Variants in GBE1 observed in about 807,000 individuals in gnomAD.
GBE1 encodes the protein 1,4-alpha-glucan branching enzyme 1.
In GBE1, 70 loss-of-function variants were observed where a neutral mutation model predicts 88.8. The ratio of observed to expected loss-of-function variants is 0.79; its 90% CI spans 0.65 to 0.96. The LOEUF is 0.96. GBE1 is among the 40% of genes least tolerant of loss of function. The probability of loss-of-function intolerance (pLI) is 0.00; values close to 1 mark genes in which losing one functional copy is unlikely to be tolerated. For missense variants in GBE1, 872 were observed against 871.0 expected (o/e 1.00, Z -0.01); for synonymous variants, 284 against 300.1 (o/e 0.95, Z 0.56).
At chr3:81,617,015 A>G (rs1335776251) in intron 7 of GBE1, among the ~76,000 whole-genome samples, 1 of 151,806 alleles carries the variant, frequency 6.6e-6, no homozygotes, top group African/African-American at 2.4e-5. Context: ...TAAATAGTAT[A>G]TTTTTTAATT....
chr3:81,732,371 T>G (rs1482520248), intron 1 of GBE1, among the ~76,000 whole-genome samples: 1 of 152,198 alleles, frequency 6.6e-6, no homozygotes, highest in African/African-American at 2.4e-5. Flanking sequence ...CAAATAAGTG[T>G]GGTCTTTGTC....
At chr3:81,714,479 A>T (rs1313347755) in intron 1 of GBE1, among the ~76,000 whole-genome samples, 1 of 152,242 alleles carries the variant, frequency 6.6e-6, no homozygotes, top group Admixed American at 6.5e-5. Context: ...TAATTAATGT[A>T]TTCAATAAGA....
intron 2 of GBE1, among the ~76,000 whole-genome samples, chr3:81,679,676 G>T (rs939209000): frequency 3.9e-5 from 6 of 152,134 alleles, no homozygotes; most frequent in African/African-American, 1.4e-4. Context: ...GACTATAATT[G>T]TAACTCTGAT....
intron 2 of GBE1, among the ~76,000 whole-genome samples, chr3:81,693,361 G>A (rs142777337): frequency 6.6e-6 from 1 of 151,816 alleles, no homozygotes; most frequent in Non-Finnish European, 1.5e-5. Context: ...GGAAAGTATT[G>A]GTAATTACTT....
chr3:81,664,831 C>T (rs1705088426), intron 3 of GBE1, among the ~76,000 whole-genome samples: 4 of 152,076 alleles, frequency 2.6e-5, no homozygotes, highest in Admixed American at 2.6e-4. Context: ...AAGTCAATGA[C>T]ATAGAATTGG....
intron 1 of GBE1, among the ~76,000 whole-genome samples, chr3:81,731,963 A>C (rs533553307): frequency 6.6e-6 from 1 of 152,284 alleles, no homozygotes; most frequent in East Asian, 1.9e-4. Context: ...TCCCAAAAAA[A>C]CACTAATTTT....
chr3:81,640,326 C>A (rs905639139), intron 7 of GBE1, among the ~76,000 whole-genome samples: 3 of 151,922 alleles, frequency 2.0e-5, no homozygotes, highest in Non-Finnish European at 4.4e-5. Context: ...TAAAAGCAGG[C>A]AGAGGAATGT....
At chr3:81,540,717 C>T (rs529935878) in intron 12 of GBE1, among the ~76,000 whole-genome samples, 2 of 152,106 alleles carry the variant, frequency 1.3e-5, no homozygotes, top group South Asian at 4.1e-4. Context: ...TTTGAATCAT[C>T]TACTGTTTTA....
chr3:81,588,395 A>G (rs1484593170), intron 9 of GBE1, among the ~76,000 whole-genome samples: 1 of 152,104 alleles, frequency 6.6e-6, no homozygotes, highest in East Asian at 1.9e-4. Context: ...TGAAAGACCA[A>G]ACTGTCAAGA....
intron 1 of GBE1, among the ~76,000 whole-genome samples, chr3:81,725,386 A>G (rs1227757662): frequency 2.0e-5 from 3 of 151,936 alleles, no homozygotes; most frequent in Non-Finnish European, 4.4e-5. Flanking sequence ...ACTGTCTTCC[A>G]CCTCCATATC....
intron 14 of GBE1, 63 bp downstream of exon 14, chr3:81,535,129 TTTG>T: frequency 2.2e-6 from 3 of 1,355,138 alleles, no homozygotes; most frequent in African/African-American, 1.5e-5. Flanking sequence ...TTTTTTTTTT[TTTG>T]TCCTATAATG....
At position 81,745,292 on chromosome 3, in the gene GBE1, C is replaced by A. The variant is rs370013942; in HGVS notation, c.143+16083G>T. ...CCAAAAAATTAAGTAACTTGGTTAA[C>A]CTCATCAGTATATACATGTATTACT... On this transcript the variant is annotated intron_variant, in intron 1 of 15. Coordinates refer to ENST00000429644, the MANE Select transcript of GBE1 (RefSeq NM_000158.4). Among the ~76,000 whole-genome samples the A allele has an allele frequency of 5.9e-5, 9 of 152,198 alleles. No homozygotes were observed. In the East Asian group the frequency reaches 1.4e-3, roughly 23 times the overall value.
At chr3:81,693,482 A>T (rs958818868) in intron 2 of GBE1, among the ~76,000 whole-genome samples, 1 of 152,158 alleles carries the variant, frequency 6.6e-6, no homozygotes, top group Non-Finnish European at 1.5e-5. Flanking sequence ...TTAATATATA[A>T]GCTCAGGCAA....
At chr3:81,656,515 C>T (rs1169059178) in intron 3 of GBE1, among the ~76,000 whole-genome samples, 1 of 152,130 alleles carries the variant, frequency 6.6e-6, no homozygotes, top group East Asian at 1.9e-4. Flanking sequence ...TGAGAGAATA[C>T]ATTTACATTA....
intron 5 of GBE1, among the ~76,000 whole-genome samples, chr3:81,648,063 G>A (rs996939026): frequency 2.0e-5 from 3 of 151,744 alleles, no homozygotes; most frequent in African/African-American, 7.3e-5. Context: ...AATTAATTTT[G>A]GTTTCTGGAA....
chr3:81,751,296 C>CT (rs1706525519), intron 1 of GBE1, among the ~76,000 whole-genome samples: 1 of 152,188 alleles, frequency 6.6e-6, no homozygotes, highest in Non-Finnish European at 1.5e-5. Context: ...TCTCACTGGG[C>CT]TTTTCATCTT....
intron 12 of GBE1, among the ~76,000 whole-genome samples, chr3:81,556,759 A>T (rs1174593563): frequency 6.6e-6 from 1 of 152,116 alleles, no homozygotes; most frequent in Non-Finnish European, 1.5e-5. Context: ...TTCTCTGAAT[A>T]TAAATTAGTC....
At chr3:81,754,274 G>A (rs144680991) in intron 1 of GBE1, among the ~76,000 whole-genome samples, 1 of 151,688 alleles carries the variant, frequency 6.6e-6, no homozygotes, top group African/African-American at 2.4e-5. Flanking sequence ...ATCTATACAA[G>A]GAAAACAATA....
chr3:81,526,437 G>C (rs964010482), intron 14 of GBE1, among the ~76,000 whole-genome samples: 4 of 152,072 alleles, frequency 2.6e-5, no homozygotes, highest in Admixed American at 2.0e-4. Flanking sequence ...AATTGTCCCT[G>C]TTTGCAGATG....
Sources: gnomAD v4.1 joint callset for allele counts (sites outside exome capture counted in the v4.1 genomes callset) on GRCh38, gnomAD v4.1.1 for gene constraint, MANE v1.5 for transcripts, NCBI Gene and HGNC (gene_info 2026-07-23, HGNC 2026-07-21) for gene names.